INVS: variants seen among roughly 807,000 people sequenced by gnomAD.
INVS encodes the protein inversin, also known as inversion of embryo turning homolog.
A neutral mutation model predicts 108.8 loss-of-function variants in INVS; 86 were observed. The observed-to-expected ratio is 0.79, with a 90% CI of 0.66 to 0.95. The LOEUF is 0.95. Among genes scored for constraint, INVS ranks in the 40% least tolerant of loss-of-function variants. The pLI, the probability that INVS is intolerant of heterozygous loss-of-function variation, is 0.00. For synonymous variants in INVS, 455 were observed against 473.5 expected (o/e 0.96, Z 0.51); for missense variants, 1,169 against 1,297.4 (o/e 0.90, Z 1.52).
rs1832737838 is a variant in INVS, at chr9:100,264,865, A to G, written c.1508A>G (p.Asp503Gly). 6.2e-7 allele frequency: 1 copy of G among 1,613,646 alleles called. No individual in the cohort carries two copies. Among genetic ancestry groups the G allele is most frequent in the Admixed American group, 1.7e-5 (1 of 59,986 alleles). Reference protein sequence around the residue: ...LHWSCNNGYLDAIKLLLDFAA... With the variant: ...LHWSCNNGYLGAIKLLLDFAA... ...TGGTCCTGCAACAATGGATACCTTG[A>G]TGCCATTAAATTACTGCTAGACTTT... is the stretch of plus-strand genomic sequence containing the variant. Residue 503 changes from aspartate (D) to glycine (G), a missense_variant, in exon 11 of 17, where the codon GAT becomes GGT. Physicochemically the swap from Asp to Gly is moderately conservative, Grantham distance 94. Coordinates refer to ENST00000262457, the MANE Select transcript of INVS (RefSeq NM_014425.5).
intron 3 of INVS, among the ~76,000 whole-genome samples, chr9:100,146,669 T>A (rs1299089238): frequency 6.6e-6 from 1 of 152,222 alleles, no homozygotes; most frequent in Non-Finnish European, 1.5e-5. Flanking sequence ...TTAAATTTTT[T>A]AAATGAGTCT....
At chr9:100,166,318 T>C (rs1449103327) in intron 3 of INVS, among the ~76,000 whole-genome samples, 1 of 152,018 alleles carries the variant, frequency 6.6e-6, no homozygotes, top group Non-Finnish European at 1.5e-5. Flanking sequence ...AGACCAGCCC[T>C]GGCAACATAG....
intron 8 of INVS, among the ~76,000 whole-genome samples, chr9:100,251,595 C>G (rs1467068837): frequency 1.3e-5 from 2 of 152,172 alleles, no homozygotes; most frequent in Admixed American, 1.3e-4. Flanking sequence ...TGAGGTCTTT[C>G]TATTTTCTCC....
chr9:100,298,246 T>C, intron 16 of INVS: 1 of 1,411,348 alleles, frequency 7.1e-7, no homozygotes, highest in Non-Finnish European at 9.2e-7. Flanking sequence ...ATGGTAGCTA[T>C]TATTGATCAC....
intron 10 of INVS, among the ~76,000 whole-genome samples, chr9:100,259,276 C>G (rs1171220298): frequency 6.6e-6 from 1 of 152,136 alleles, no homozygotes; most frequent in Admixed American, 6.6e-5. Flanking sequence ...GGAAAAAGCG[C>G]AGTATTAGGG....
At position 100,206,114 on chromosome 9, in the gene INVS, G is replaced by T. The variant is rs942463212; in HGVS notation, c.274-19948G>T. Among the ~76,000 whole-genome samples the T allele has an allele frequency of 4.6e-5, 7 of 152,118 alleles. No homozygotes were observed. The East Asian group carries it at 7.7e-4, about 17-fold the overall frequency. ...TCATCTAAGTAGTGAGAATACTTCT[G>T]GTTTTCACAACAAGAATACTGTGAA... On this transcript the variant is annotated intron_variant, in intron 3 of 16. Coordinates refer to ENST00000262457, the MANE Select transcript of INVS (RefSeq NM_014425.5).
intron 3 of INVS, among the ~76,000 whole-genome samples, chr9:100,202,803 G>A (rs1830569491): frequency 6.6e-6 from 1 of 152,128 alleles, no homozygotes; most frequent in African/African-American, 2.4e-5. Flanking sequence ...CATAAATTTA[G>A]TCTCCTTAGA....
At chr9:100,241,830 G>A (rs775865282) in intron 6 of INVS, among the ~76,000 whole-genome samples, 4 of 152,068 alleles carry the variant, frequency 2.6e-5, no homozygotes, top group Non-Finnish European at 5.9e-5. Flanking sequence ...TGCTAATGGG[G>A]CATCTTCTTC....
At chr9:100,200,084 T>G (rs893550905) in intron 3 of INVS, among the ~76,000 whole-genome samples, 2 of 152,208 alleles carry the variant, frequency 1.3e-5, no homozygotes, top group African/African-American at 4.8e-5. Context: ...ATTAAGTCCA[T>G]GCTATGATTT....
chr9:100,173,100 T>C (rs751063369), intron 3 of INVS, among the ~76,000 whole-genome samples: 1 of 152,216 alleles, frequency 6.6e-6, no homozygotes, highest in African/African-American at 2.4e-5. Flanking sequence ...ACAGCAGTAC[T>C]CAACCATCTA....
intron 2 of INVS, among the ~76,000 whole-genome samples, chr9:100,125,954 G>A (rs574863862): frequency 2.2e-4 from 34 of 152,232 alleles, no homozygotes; most frequent in African/African-American, 8.2e-4. Context: ...CCAGAGTGCT[G>A]GGATTACAGG....
chr9:100,255,897 A>C (rs1241845769), intron 10 of INVS, among the ~76,000 whole-genome samples: 1 of 152,160 alleles, frequency 6.6e-6, no homozygotes, highest in Admixed American at 6.5e-5. Context: ...TGTCTCTGCC[A>C]GGCTTTGGTA....
chr9:100,266,544 C>T (rs756052632), intron 11 of INVS, among the ~76,000 whole-genome samples: 11 of 152,176 alleles, frequency 7.2e-5, no homozygotes, highest in Non-Finnish European at 1.5e-4. Context: ...CCAGAGGTCA[C>T]TCTCGTCTCC....
At chr9:100,193,559 A>G (rs148008363) in intron 3 of INVS, among the ~76,000 whole-genome samples, 41 of 152,192 alleles carry the variant, frequency 2.7e-4, no homozygotes, top group African/African-American at 9.9e-4. Context: ...AAGTTTCCTC[A>G]TGACCATTTG....
At chr9:100,124,635 G>A (rs558530461) in intron 2 of INVS, among the ~76,000 whole-genome samples, 9 of 150,532 alleles carry the variant, frequency 6.0e-5, no homozygotes, top group Non-Finnish European at 1.2e-4. Flanking sequence ...CATTCCTGAT[G>A]TTCTATTTGT....
At chr9:100,269,959 A>T (rs1429538247) in intron 11 of INVS, among the ~76,000 whole-genome samples, 1 of 152,130 alleles carries the variant, frequency 6.6e-6, no homozygotes. Flanking sequence ...TCCTCTTTAC[A>T]CTTATTTTTC....
intron 3 of INVS, among the ~76,000 whole-genome samples, chr9:100,143,535 T>C (rs1190943650): frequency 6.6e-6 from 1 of 151,180 alleles, no homozygotes; most frequent in Non-Finnish European, 1.5e-5. Context: ...CTTATACTTG[T>C]GGGTTAAGAT....
chr9:100,252,449 AAG>A lies in INVS; in HGVS notation c.1234+14_1234+15del, dbSNP rs1345815930. 1 of 1,612,284 alleles carries A rather than the reference AAG, an allele frequency of 6.2e-7. No individual in the cohort carries two copies. Among genetic ancestry groups the A allele is most frequent in the Admixed American group, 1.7e-5 (1 of 59,974 alleles). The stretch of plus-strand genomic sequence containing the variant: ...AGACACTCATTAAAGGTGGGCTAAT[AAG>A]AGTACTCCTAATAAGTCTCTCTTAA... On this transcript the variant is annotated intron_variant, in intron 9 of 16. Coordinates refer to ENST00000262457, the MANE Select transcript of INVS (RefSeq NM_014425.5).
At chr9:100,224,459 A>G (rs2118391185) in intron 3 of INVS, among the ~76,000 whole-genome samples, 1 of 152,310 alleles carries the variant, frequency 6.6e-6, no homozygotes, top group East Asian at 1.9e-4. Flanking sequence ...GAAACCTCCA[A>G]CTGGAAGTAA....
Sources: allele counts gnomAD v4.1 joint callset (sites outside exome capture counted in the v4.1 genomes callset), GRCh38; gene constraint gnomAD v4.1.1; transcripts MANE v1.5; gene names NCBI Gene and HGNC (gene_info 2026-07-23, HGNC 2026-07-21).